The following ADGRD1 variants were observed in gnomAD, a reference collection of about 807,000 sequenced individuals.
ADGRD1 encodes G-protein coupled receptor 133.
In ADGRD1, 77 loss-of-function variants were observed where a neutral mutation model predicts 113.4. The ratio of observed to expected loss-of-function variants is 0.68; its 90% CI spans 0.57 to 0.82. ADGRD1 has a LOEUF of 0.82. Ranked by LOEUF, ADGRD1 falls within the 40% of genes least tolerant of loss-of-function variation. The pLI is 0.00. For missense variants in ADGRD1, 1,036 were observed against 1,139.1 expected (o/e 0.91, Z 1.30); for synonymous variants, 474 against 475.0 (o/e 1.00, Z 0.03).
At chr12:130,958,538 G>C (rs2004843) in intron 2 of ADGRD1, among the ~76,000 whole-genome samples, 1 of 151,940 alleles carries the variant, frequency 6.6e-6, no homozygotes. Flanking sequence ...GACATCTCAG[G>C]CTCTGCTCAC....
In ADGRD1 at chr12:131,120,726, T is replaced by C. The variant is rs1204836270; in HGVS notation, c.2109-121T>C. The C allele has an allele frequency of 4.5e-6, 4 of 879,514 alleles. No individual in the cohort carries two copies. In the Admixed American group the frequency reaches 5.2e-5, roughly 12 times the overall value. The allele number at this position is 879,514 out of a possible 1,614,324, so 54.5% of individuals were successfully genotyped here. On this transcript the variant is annotated intron_variant, in intron 19 of 24. Transcript: ENST00000261654. ...ATTTGCAGGGATTAGGAATGTTGTA[T>C]GACTGCCCCAGGTGGACCCTGTAGC... is the stretch of plus-strand genomic sequence containing the variant.
chr12:130,992,867 G>C (rs1011330320), intron 8 of ADGRD1, among the ~76,000 whole-genome samples: 4 of 152,198 alleles, frequency 2.6e-5, no homozygotes, highest in Admixed American at 1.3e-4. Context: ...TTCTCTTTCT[G>C]CTCCTCCAAA....
At chr12:131,053,982 C>G (rs1221372481) in intron 13 of ADGRD1, among the ~76,000 whole-genome samples, 3 of 152,150 alleles carry the variant, frequency 2.0e-5, no homozygotes, top group African/African-American at 7.2e-5. Context: ...ATAGCCCGTC[C>G]CATTTACTGT....
chr12:131,052,763 C>G (rs1485705118), intron 13 of ADGRD1, among the ~76,000 whole-genome samples: 1 of 152,184 alleles, frequency 6.6e-6, no homozygotes, highest in African/African-American at 2.4e-5. Context: ...TTCCTGTTGG[C>G]CTCATGGCAT....
chr12:131,135,730 A>G (rs73470834), intron 21 of ADGRD1, among the ~76,000 whole-genome samples: 19,021 of 152,164 alleles, frequency 0.13, 1,551 homozygotes, highest in African/African-American at 0.24. Flanking sequence ...CATCTTTGCA[A>G]ACAGCTCAAA....
chr12:131,054,124 C>A (rs527651623), intron 13 of ADGRD1, among the ~76,000 whole-genome samples: 1 of 152,276 alleles, frequency 6.6e-6, no homozygotes, highest in African/African-American at 2.4e-5. Context: ...AAAACAAAAA[C>A]ACACTTACTG....
intron 20 of ADGRD1, among the ~76,000 whole-genome samples, chr12:131,129,454 C>T (rs572938738): frequency 1.4e-4 from 18 of 131,786 alleles, no homozygotes; most frequent in African/African-American, 3.1e-4. Flanking sequence ...GTGACAGGCC[C>T]GCCCTGCTGT....
chr12:131,042,674 T>C (rs1161773403), intron 13 of ADGRD1, among the ~76,000 whole-genome samples: 2 of 152,152 alleles, frequency 1.3e-5, no homozygotes, highest in South Asian at 2.1e-4. Flanking sequence ...TCACAGGCGC[T>C]GCGGCTCTGT....
chr12:131,006,087 C>T (rs117496262), intron 12 of ADGRD1, 40 bp downstream of exon 12: 26,407 of 1,563,240 alleles, frequency 0.017, 350 homozygotes, highest in Middle Eastern at 0.043. Flanking sequence ...CGTGGGTGTG[C>T]GTGGGTTTGC....
rs78058857 is a variant in ADGRD1, at chr12:131,139,190, T to C, written c.2552T>C (p.Met851Thr). ...SDLMNGTRPGMASTKLSPWDK... is the reference protein window; with the variant it reads ...SDLMNGTRPGTASTKLSPWDK... The stretch of plus-strand genomic sequence containing the variant: ...CAGATGAATGGGACCCGGCCAGGCA[T>C]GGCCTCCACCAAGCTCAGCCCTTGG... Residue 851 changes from methionine to threonine, a missense_variant, in exon 25 of 25, where the codon ATG (methionine) becomes ACG (threonine). By Grantham distance (81) the Met-to-Thr change is moderately conservative (BLOSUM62 -1). Transcript: ENST00000261654. 3.2e-4 allele frequency: 520 copies of C among 1,613,222 alleles called. 3 individuals are homozygous for C. The African/African-American group carries it at 6.5e-3, about 20-fold the overall frequency.
At chr12:131,081,882 G>T (rs1886095425) in intron 14 of ADGRD1, among the ~76,000 whole-genome samples, 1 of 152,004 alleles carries the variant, frequency 6.6e-6, no homozygotes, top group Non-Finnish European at 1.5e-5. Context: ...GATTTTCATT[G>T]GGCTTAGAAT....
intron 19 of ADGRD1, 54 bp from the exon 20 acceptor site, chr12:131,120,793 A>G: frequency 6.3e-7 from 1 of 1,575,768 alleles, no homozygotes; most frequent in East Asian, 2.2e-5. Flanking sequence ...GGATGAAGGT[A>G]CGCTGGCAGG....
intron 13 of ADGRD1, among the ~76,000 whole-genome samples, chr12:131,056,962 T>C (rs988405452): frequency 3.3e-5 from 5 of 152,114 alleles, no homozygotes; most frequent in Non-Finnish European, 7.4e-5. Flanking sequence ...GATTGTGCCG[T>C]GGGTCTTGGA....
At chr12:130,962,139 T>C (rs1435072384) in intron 2 of ADGRD1, 1 of 152,328 alleles carries the variant, frequency 6.6e-6, no homozygotes, top group Non-Finnish European at 1.5e-5. Flanking sequence ...TGTCACAGCT[T>C]GCAGCCCCTT....
intron 14 of ADGRD1, among the ~76,000 whole-genome samples, chr12:131,078,616 A>G (rs1885829760): frequency 2.6e-5 from 4 of 152,242 alleles, no homozygotes; most frequent in Admixed American, 2.6e-4. Flanking sequence ...AAGGAATTTT[A>G]AGAACATAGA....
At chr12:131,119,503 C>T (rs1310593580) in intron 19 of ADGRD1, among the ~76,000 whole-genome samples, 3 of 152,228 alleles carry the variant, frequency 2.0e-5, no homozygotes, top group Non-Finnish European at 4.4e-5. Flanking sequence ...GGATGCTGGA[C>T]CCACAGTCCT....
intron 15 of ADGRD1, among the ~76,000 whole-genome samples, chr12:131,101,373 C>CTTTTTTTTTTTTTTTTTTTTTTTTT (rs796951608): frequency 3.8e-5 from 3 of 79,354 alleles, no homozygotes; most frequent in African/African-American, 5.4e-5. Context: ...CTTTTTCTTT[C>CTTTTTTTTTTTTTTTTTTTTTTTTT]TTTCTTTTTT....
chr12:130,959,201 T>C (rs1270732805), intron 2 of ADGRD1, among the ~76,000 whole-genome samples: 2 of 152,248 alleles, frequency 1.3e-5, no homozygotes, highest in Non-Finnish European at 2.9e-5. Context: ...TTGTTAAAGG[T>C]TCTCAGAACT....
intron 13 of ADGRD1, among the ~76,000 whole-genome samples, chr12:131,039,347 C>T (rs1881879669): frequency 6.6e-6 from 1 of 152,260 alleles, no homozygotes; most frequent in Admixed American, 6.5e-5. Flanking sequence ...CCTTTCAACG[C>T]CGGGGAAATG....
Sources: gnomAD v4.1 joint callset for allele counts (sites outside exome capture counted in the v4.1 genomes callset) on GRCh38, gnomAD v4.1.1 for gene constraint, MANE v1.5 for transcripts, NCBI Gene and HGNC (gene_info 2026-07-23, HGNC 2026-07-21) for gene names.